The following LAPTM4A variants were observed in gnomAD, a reference collection of about 807,000 sequenced individuals.
LAPTM4A encodes lysosomal protein transmembrane 4 alpha.
LAPTM4A carries 19 observed loss-of-function variants against 29.9 expected under a neutral mutation model. The observed-to-expected ratio is 0.64, with a 90% CI of 0.44 to 0.93. The LOEUF (loss-of-function observed/expected upper bound fraction) is 0.93. Ranked by LOEUF, LAPTM4A falls within the 40% of genes least tolerant of loss-of-function variation. The probability of loss-of-function intolerance (pLI) is 0.00; values close to 1 mark genes in which losing one functional copy is unlikely to be tolerated. For synonymous variants in LAPTM4A, 105 were observed against 102.1 expected (o/e 1.03, Z -0.17); for missense variants, 293 against 288.5 (o/e 1.02, Z -0.11).
intron 2 of LAPTM4A, among the ~76,000 whole-genome samples, chr2:20,038,383 T>G (rs1184752752): frequency 1.3e-5 from 2 of 152,204 alleles, no homozygotes; most frequent in Non-Finnish European, 2.9e-5. Flanking sequence ...ACTTACTGAA[T>G]TTCTTAGCAC....
In LAPTM4A at chr2:20,043,463, G is replaced by A. The variant is rs375955375; in HGVS notation, c.112-2452C>T. ...ACTCCTGACCTCAAGTGATCCACCA[G>A]CCTTGGCCTCCCAAAGTGCTGGGAT... On this transcript the variant is annotated intron_variant, in intron 1 of 6. Transcript: ENST00000175091. Among the ~76,000 whole-genome samples, 41 of 152,254 alleles carry A rather than the reference G, an allele frequency of 2.7e-4. No individual in the cohort carries two copies. The East Asian group carries it at 7.2e-3, about 27-fold the overall frequency.
intron 2 of LAPTM4A, among the ~76,000 whole-genome samples, chr2:20,038,037 C>T (rs1673718123): frequency 6.6e-6 from 1 of 152,154 alleles, no homozygotes; most frequent in Non-Finnish European, 1.5e-5. Context: ...AGAAATGACA[C>T]AAGATGGGTC....
At position 20,033,056 on chromosome 2, in the gene LAPTM4A, A is replaced by G. The variant is rs917823207; in HGVS notation, c.*149T>C. 8 of 665,788 alleles carry G rather than the reference A, an allele frequency of 1.2e-5. No individual in the cohort carries two copies. The Admixed American group carries it at 1.7e-4, about 14-fold the overall frequency. 41.2% of individuals were successfully genotyped at this position (665,788 alleles called of 1,614,324 possible). A position where few individuals can be genotyped will look rare whatever the true frequency, so the allele number is the denominator to read the frequency against. On this transcript the variant is annotated 3_prime_UTR_variant, in exon 7 of 7. Transcript: ENST00000175091. Reference sequence around the variant, plus strand: ...ACAAAAAGACGTTTAACAGATGTCAAAAAGCTCCTTAGTGTTTGAAAATAA... The same window carrying G: ...ACAAAAAGACGTTTAACAGATGTCAGAAAGCTCCTTAGTGTTTGAAAATAA...
intron 2 of LAPTM4A, among the ~76,000 whole-genome samples, chr2:20,038,487 G>T (rs188637501): frequency 5.9e-4 from 89 of 151,866 alleles, no homozygotes; most frequent in Middle Eastern, 3.4e-3. Context: ...GTGCAGTGGC[G>T]CGATCTCGGC....
In LAPTM4A at chr2:20,050,924, G is replaced by T. The variant is rs531269683; in HGVS notation, c.111+486C>A. Among the ~76,000 whole-genome samples, 228 of 152,338 alleles carry T rather than the reference G, an allele frequency of 1.5e-3. 1 individual carries two copies. The highest frequency in any genetic ancestry group is 2.9e-3 in the Admixed American group (45 of 15,308). On this transcript the variant is annotated intron_variant, in intron 1 of 6. Transcript: ENST00000175091. ...AACGCGGACAACCGGGTTACCGCTG[G>T]ATCTTTCGCTTTCCCAACGGGAAGA...
chr2:20,051,347 C>T (rs931280767), intron 1 of LAPTM4A, 63 bp downstream of exon 1: 2 of 1,037,466 alleles, frequency 1.9e-6, no homozygotes, highest in East Asian at 2.6e-5. Flanking sequence ...AGTCTCACCC[C>T]CTCCGCACCA....
chr2:20,046,316 T>G (rs1191208910), intron 1 of LAPTM4A, among the ~76,000 whole-genome samples: 1 of 152,084 alleles, frequency 6.6e-6, no homozygotes, highest in East Asian at 1.9e-4. Flanking sequence ...ACCTGCACGC[T>G]GTGGACATGT....
chr2:20,050,346 G>C lies in LAPTM4A; in HGVS notation c.111+1064C>G, dbSNP rs540946922. On this transcript the variant is annotated intron_variant, in intron 1 of 6. Coordinates refer to ENST00000175091, the MANE Select transcript of LAPTM4A (RefSeq NM_014713.5). ...AGTGGGGAGAAGCAGCAAGTACAGA[G>C]AAAACAGATTGTGTCTGGGATAACT... Among the ~76,000 whole-genome samples the C allele has an allele frequency of 8.5e-5, 13 of 152,308 alleles. No homozygotes were observed. In the South Asian group the frequency reaches 2.7e-3, roughly 32 times the overall value.
Position 20,037,618 on chromosome 2 carries a change from A to G in LAPTM4A, c.233-4T>C. 6.3e-7 allele frequency: 1 copy of G among 1,588,228 alleles called. No individual in the cohort carries two copies. The highest frequency in any genetic ancestry group is 8.6e-7 in the Non-Finnish European group (1 of 1,167,076). On this transcript the variant is annotated splice_region_variant and splice_polypyrimidine_tract_variant and intron_variant, in intron 2 of 6. Transcript: ENST00000175091. ...GCAAAAAGAACACAGGCATTATCTA[A>G]GAAAACAAAAACAAAAATCTAATTA...
chr2:20,041,164 G>T (rs1041381548), intron 1 of LAPTM4A, among the ~76,000 whole-genome samples, 153 bp from the exon 2 acceptor site: 1 of 151,938 alleles, frequency 6.6e-6, no homozygotes, highest in Non-Finnish European at 1.5e-5. Context: ...AAAACAATAC[G>T]CAATTACCAC....
chr2:20,041,080 A>G lies in LAPTM4A; in HGVS notation c.112-69T>C. The G allele has an allele frequency of 5.6e-6, 8 of 1,437,300 alleles. No homozygotes were observed. The South Asian group carries it at 8.3e-5, about 15-fold the overall frequency. 89.0% of individuals were successfully genotyped at this position (1,437,300 alleles called of 1,614,324 possible). A position where few individuals can be genotyped will look rare whatever the true frequency, so the allele number is the denominator to read the frequency against. On this transcript the variant is annotated intron_variant, in intron 1 of 6. Transcript: ENST00000175091. ...GACGCAATCTTAGCACAATCTCTAG[A>G]TGTCCTCTCATATTTAAGATTGTCT...
intron 1 of LAPTM4A, among the ~76,000 whole-genome samples, chr2:20,042,296 C>T (rs60557282): frequency 0.14 from 22,034 of 152,254 alleles, 2,153 homozygotes; most frequent in East Asian, 0.43. Context: ...CTGAATATCA[C>T]ATGAGAGTAA....
chr2:20,046,584 C>A (rs892291972), intron 1 of LAPTM4A, among the ~76,000 whole-genome samples: 3 of 151,210 alleles, frequency 2.0e-5, no homozygotes, highest in Admixed American at 6.6e-5. Flanking sequence ...GCCTCCCCGG[C>A]TCAAGTGATC....
At chr2:20,041,140 A>G in intron 1 of LAPTM4A, 129 bp from the exon 2 acceptor site, 2 of 740,844 alleles carry the variant, frequency 2.7e-6, no homozygotes, top group South Asian at 2.1e-5. Flanking sequence ...ATAGTGGGAG[A>G]CTACCTGTGA....
rs778752764 is a variant in LAPTM4A at position 20,051,395 on chromosome 2, G to A, written c.111+15C>T. 7 of 1,389,990 alleles carry A rather than the reference G, an allele frequency of 5.0e-6. No individual in the cohort carries two copies. Among genetic ancestry groups the A allele is most frequent in the Non-Finnish European group, 6.8e-6 (7 of 1,031,042 alleles). The allele number at this position is 1,389,990 out of a possible 1,614,324, so 86.1% of individuals were successfully genotyped here. On this transcript the variant is annotated intron_variant, in intron 1 of 6. Coordinates refer to ENST00000175091, the MANE Select transcript of LAPTM4A (RefSeq NM_014713.5). Reference sequence around the variant, plus strand: ...CAGGCCCCCCGGACATACGCGCCACGCCTGCCCGCCTTACCATGTACCAGG... The same window carrying A: ...CAGGCCCCCCGGACATACGCGCCACACCTGCCCGCCTTACCATGTACCAGG...
At position 20,033,011 on chromosome 2, in the gene LAPTM4A, G is replaced by A. The variant is rs1384846863; in HGVS notation, c.*194C>T. On this transcript the variant is annotated 3_prime_UTR_variant, in exon 7 of 7. Coordinates refer to ENST00000175091, the MANE Select transcript of LAPTM4A (RefSeq NM_014713.5). ...GATTGTCTTCAAAAACTATTAAAAT[G>A]TAAAAGACTTAACAAAAAAACAAAA... 1.7e-6 allele frequency: 1 copy of A among 572,124 alleles called. No individual in the cohort carries two copies. The highest frequency in any genetic ancestry group is 2.8e-5 in the East Asian group (1 of 35,696). 35.4% of individuals were successfully genotyped at this position (572,124 alleles called of 1,614,324 possible). A position where few individuals can be genotyped will look rare whatever the true frequency, so the allele number is the denominator to read the frequency against.
intron 2 of LAPTM4A, among the ~76,000 whole-genome samples, chr2:20,039,721 CT>C: frequency 6.6e-6 from 1 of 151,990 alleles, no homozygotes; most frequent in East Asian, 1.9e-4. Flanking sequence ...CTCTAAAAAA[CT>C]TTTTTTAAAC....
At position 20,042,978 on chromosome 2, in the gene LAPTM4A, C is replaced by T. The variant is rs375612539; in HGVS notation, c.112-1967G>A. On this transcript the variant is annotated intron_variant, in intron 1 of 6. Transcript: ENST00000175091. Reference sequence around the variant, plus strand: ...TTTTTGAGATGGAGTCTCGCTCTGTCGCCCAGGCTGGAGTGCAGTAGCGCA... The same window carrying T: ...TTTTTGAGATGGAGTCTCGCTCTGTTGCCCAGGCTGGAGTGCAGTAGCGCA... Among the ~76,000 whole-genome samples the T allele has an allele frequency of 2.3e-4, 35 of 152,250 alleles. No homozygotes were observed. The South Asian group carries it at 6.8e-3, about 30-fold the overall frequency.
intron 1 of LAPTM4A, among the ~76,000 whole-genome samples, chr2:20,051,178 A>G (rs1674059806): frequency 1.3e-5 from 2 of 152,100 alleles, no homozygotes; most frequent in South Asian, 4.1e-4. Flanking sequence ...AATTCTTGCC[A>G]AAGAACAATC....
Sources: allele counts gnomAD v4.1 joint callset (sites outside exome capture counted in the v4.1 genomes callset), GRCh38; gene constraint gnomAD v4.1.1; transcripts MANE v1.5; gene names NCBI Gene and HGNC (gene_info 2026-07-23, HGNC 2026-07-21).